The following OR2T10 variants were observed in gnomAD, a reference collection of about 807,000 sequenced individuals.
The protein encoded by OR2T10 is olfactory receptor 2T10.
For synonymous variants in OR2T10, 125 were observed against 141.8 expected (o/e 0.88, Z 0.84); for missense variants, 335 against 382.5 (o/e 0.88, Z 1.04).
Position 248,591,968 on chromosome 1 carries a change from A to G in OR2T10, c.*862T>C, listed in dbSNP as rs1660012363. Reference sequence around the variant, plus strand: ...TTATTTGTTAAATACAAATACAACCATGCACATACGTAAAACTGTGATTTG... The same window carrying G: ...TTATTTGTTAAATACAAATACAACCGTGCACATACGTAAAACTGTGATTTG... On this transcript the variant is annotated 3_prime_UTR_variant, in exon 2 of 2. Transcript: ENST00000642090. The G allele has an allele frequency of 6.9e-6, 1 of 144,308 alleles. No homozygotes were observed. The highest frequency in any genetic ancestry group is 1.5e-5 in the Non-Finnish European group (1 of 66,488). The allele number at this position is 144,308 out of a possible 1,614,324, so 8.9% of individuals were successfully genotyped here.
chr1:248,596,504 G>A (rs73134427), intron 1 of OR2T10, among the ~76,000 whole-genome samples: 8,325 of 142,608 alleles, frequency 0.058, 2,141 homozygotes, highest in African/African-American at 0.22. Context: ...TCAAGCTACC[G>A]TTCTTCCACA....
Position 248,592,927 on chromosome 1 carries a change from A to G in OR2T10, c.842T>C (p.Leu281Pro), listed in dbSNP as rs772374665. The G allele has an allele frequency of 8.3e-6, 13 of 1,565,528 alleles. 2 individuals carry two copies. Among genetic ancestry groups the G allele is most frequent in the Non-Finnish European group, 1.1e-5 (13 of 1,149,872 alleles). ...AATGATAGGATTCAAGACAGGTGTA[A>G]GGATAGTGTAGAAAAAGGATGACAT... ...DMMSSFFYTI[L>P]TPVLNPIIYS... Residue 281 changes from leucine (L) to proline (P), a missense_variant, in exon 2 of 2, where the codon CTT becomes CCT. By Grantham distance (98) the Leu-to-Pro change is moderately conservative. Coordinates refer to ENST00000642090, the MANE Select transcript of OR2T10 (RefSeq NM_001004693.2).
chr1:248,596,474 G>T lies in OR2T10; in HGVS notation c.-29+1018C>A, dbSNP rs965906111. Among the ~76,000 whole-genome samples, 10 of 142,854 alleles carry T rather than the reference G, an allele frequency of 7.0e-5. 1 individual carries two copies. The highest frequency in any genetic ancestry group is 1.9e-4 in the African/African-American group (7 of 36,110). 93.7% of individuals were successfully genotyped at this position (142,854 alleles called of 152,430 possible). A position where few individuals can be genotyped will look rare whatever the true frequency, so the allele number is the denominator to read the frequency against. On this transcript the variant is annotated intron_variant, in intron 1 of 1. Transcript: ENST00000642090. ...GAGAACAAAAGTGAGAGTGGATATTGCATTTCTTGGCCATGTAGTTCAAGC... is the reference window on the plus strand; with the variant it reads ...GAGAACAAAAGTGAGAGTGGATATTTCATTTCTTGGCCATGTAGTTCAAGC...
chr1:248,596,622 G>A lies in OR2T10; in HGVS notation c.-29+870C>T, dbSNP rs141900659. Among the ~76,000 whole-genome samples the A allele has an allele frequency of 2.5e-3, 356 of 143,264 alleles. 56 individuals are homozygous for A. Among genetic ancestry groups the A allele is most frequent in the African/African-American group, 9.4e-3 (341 of 36,456 alleles). The allele number at this position is 143,264 out of a possible 152,430, so 94.0% of individuals were successfully genotyped here. A position where few individuals can be genotyped will look rare whatever the true frequency, so the allele number is the denominator to read the frequency against. On this transcript the variant is annotated intron_variant, in intron 1 of 1. Transcript: ENST00000642090. ...GGAAACAAATGACACCAGCACAGACGGCCACGCAAGGCAAAAGAACAGCAA... is the reference window on the plus strand; with the variant it reads ...GGAAACAAATGACACCAGCACAGACAGCCACGCAAGGCAAAAGAACAGCAA...
At chr1:248,593,842 G>T in intron 1 of OR2T10, 46 bp from the exon 2 acceptor site, 1 of 734,550 alleles carries the variant, frequency 1.4e-6, no homozygotes, top group Non-Finnish European at 2.2e-6. Flanking sequence ...TGTGTACCAC[G>T]TAAAAGTATG....
Position 248,593,441 on chromosome 1 carries a change from C to T in OR2T10, c.328G>A (p.Ala110Thr). Residue 110 changes from alanine (A) to threonine (T), a missense_variant, in exon 2 of 2, where the codon GCA becomes ACA. Physicochemically the swap from Ala to Thr is moderately conservative, Grantham distance 58. Transcript: ENST00000642090. ...ATGGCGGCTAGAAGGCAGCACTCTG[C>T]ACCTCCCAACTGCAGGTAGAAGTAC... The part of the protein sequence containing the change: ...QMYFYLQLGG[A>T]ECCLLAAMAY... The T allele has an allele frequency of 1.3e-6, 2 of 1,571,960 alleles. 1 individual carries two copies. Among genetic ancestry groups the T allele is most frequent in the African/African-American group, 3.0e-5 (2 of 66,518 alleles).
In OR2T10 at chr1:248,593,566, AGT is replaced by A. The variant is rs771898366; in HGVS notation, c.201_202del (p.Leu68HisfsTer53). The A allele has an allele frequency of 6.4e-7, 1 of 1,567,424 alleles. No homozygotes were observed. Among genetic ancestry groups the A allele is most frequent in the Non-Finnish European group, 8.7e-7 (1 of 1,152,664 alleles). Reference sequence around the variant, plus strand: ...GACAGAAATATATGTCAAGTCTATGAGTGAGAGCTGGTTTATAAAGAAGTACA... The same window carrying A: ...GACAGAAATATATGTCAAGTCTATGAGAGAGCTGGTTTATAAAGAAGTACA... On this transcript the variant is annotated frameshift_variant, in exon 2 of 2. Coordinates refer to ENST00000642090, the MANE Select transcript of OR2T10 (RefSeq NM_001004693.2). LOFTEE classifies it low-confidence loss of function (END_TRUNC).
At position 248,593,338 on chromosome 1, in the gene OR2T10, A is replaced by G. The variant is rs181981757; in HGVS notation, c.431T>C (p.Leu144Pro). ...GCCCACAAACCAGCAGCCTGATGCC[A>G]GGAGGAGACATACCCTATGGCTCAT... The part of the protein sequence containing the change: ...VLMSHRVCLL[L>P]ASGCWFVGSV... The change falls in exon 2 of 2, where the codon CTG (leucine) becomes CCG (proline). Residue 144 changes from leucine to proline, a missense_variant. Physicochemically the swap from Leu to Pro is moderately conservative, Grantham distance 98. Transcript: ENST00000642090. 1.3e-6 allele frequency: 2 copies of G among 1,573,518 alleles called. No individual in the cohort carries two copies. Among genetic ancestry groups the G allele is most frequent in the Admixed American group, 3.4e-5 (2 of 58,424 alleles).
rs1660006381 is a variant in OR2T10 at position 248,591,945 on chromosome 1, ATTT to A, written c.*882_*884del. On this transcript the variant is annotated 3_prime_UTR_variant, in exon 2 of 2. Coordinates refer to ENST00000642090, the MANE Select transcript of OR2T10 (RefSeq NM_001004693.2). Reference sequence around the variant, plus strand: ...CACAAGACGTTATAATTATTATGTTATTTGTTAAATACAAATACAACCATGCAC... The same window carrying A: ...CACAAGACGTTATAATTATTATGTTAGTTAAATACAAATACAACCATGCAC... 1 of 142,864 alleles carries A rather than the reference ATTT, an allele frequency of 7.0e-6. No homozygotes were observed. The highest frequency in any genetic ancestry group is 6.8e-5 in the Admixed American group (1 of 14,658). The allele number at this position is 142,864 out of a possible 1,614,324, so 8.8% of individuals were successfully genotyped here. A position where few individuals can be genotyped will look rare whatever the true frequency, so the allele number is the denominator to read the frequency against.
chr1:248,590,822 C>T lies in OR2T10; in HGVS notation c.*2008G>A, dbSNP rs758117951. ...CTCTACTACATCAATATTGATATAT[C>T]TTCAACATGATTTTTCATACATTTA... On this transcript the variant is annotated 3_prime_UTR_variant, in exon 2 of 2. Coordinates refer to ENST00000642090, the MANE Select transcript of OR2T10 (RefSeq NM_001004693.2). 2.8e-5 allele frequency: 4 copies of T among 143,232 alleles called. No homozygotes were observed. The highest frequency in any genetic ancestry group is 6.0e-5 in the Non-Finnish European group (4 of 66,282). The allele number at this position is 143,232 out of a possible 1,614,324, so 8.9% of individuals were successfully genotyped here.
At position 248,596,574 on chromosome 1, in the gene OR2T10, A is replaced by C. The variant is rs1660095059; in HGVS notation, c.-29+918T>G. 2.1e-5 allele frequency among the ~76,000 whole-genome samples: 3 copies of C among 143,584 alleles called. 1 individual carries two copies. Among genetic ancestry groups the C allele is most frequent in the Admixed American group, 2.0e-4 (3 of 14,696 alleles). 94.2% of individuals were successfully genotyped at this position (143,584 alleles called of 152,430 possible). On this transcript the variant is annotated intron_variant, in intron 1 of 1. Transcript: ENST00000642090. ...GCAGAACAAAACTCCCCTTAACCAA[A>C]TCAATTAATTTATCCACTTCTAGGA...
rs1402096892 is a variant in OR2T10, at chr1:248,591,833, T to A, written c.*997A>T. On this transcript the variant is annotated 3_prime_UTR_variant, in exon 2 of 2. Transcript: ENST00000642090. ...ACCCATGGGTTTCAGTTAAATCAAC[T>A]GTAGAATAAGGCTAATAATAGGCTG... The A allele has an allele frequency of 6.9e-6, 1 of 144,156 alleles. No individual in the cohort carries two copies. Among genetic ancestry groups the A allele is most frequent in the African/African-American group, 2.7e-5 (1 of 36,758 alleles). 8.9% of individuals were successfully genotyped at this position (144,156 alleles called of 1,614,324 possible).
chr1:248,593,244 C>A lies in OR2T10; in HGVS notation c.525G>T (p.Gln175His). ...SFPFCRSHEI[Q>H]HFFCEVPAVL... is the part of the protein sequence containing the mutation. ...CAGCAGGGACCTCACAGAAGAAGTG[C>A]TGAATCTCATGGGATCTGCAGAAGG... The change falls in exon 2 of 2, where the codon CAG becomes CAT. Residue 175 changes from glutamine to histidine, a missense_variant. Gln to His is a conservative substitution (Grantham distance 24). Coordinates refer to ENST00000642090, the MANE Select transcript of OR2T10 (RefSeq NM_001004693.2). 1 of 1,573,780 alleles carries A rather than the reference C, an allele frequency of 6.4e-7. No homozygotes were observed. The highest frequency in any genetic ancestry group is 8.6e-7 in the Non-Finnish European group (1 of 1,157,194).
intron 1 of OR2T10, among the ~76,000 whole-genome samples, 166 bp from the exon 2 acceptor site, chr1:248,593,962 T>G (rs1209830537): frequency 7.0e-6 from 1 of 142,952 alleles, no homozygotes; most frequent in East Asian, 2.0e-4. Flanking sequence ...TGAATCTGAT[T>G]CCCCATCTAG....
Position 248,592,338 on chromosome 1 carries a change from C to G in OR2T10, c.*492G>C, listed in dbSNP as rs1660022150. The G allele has an allele frequency of 6.9e-6, 1 of 145,328 alleles. No individual in the cohort carries two copies. The highest frequency in any genetic ancestry group is 1.5e-5 in the Non-Finnish European group (1 of 67,324). 9.0% of individuals were successfully genotyped at this position (145,328 alleles called of 1,614,324 possible). The stretch of plus-strand genomic sequence containing the variant: ...TGAGGATCCCCTGCTTGGGGCAAGT[C>G]AGGGGAAGCCTCAAAGGCTGTTTTG... On this transcript the variant is annotated 3_prime_UTR_variant, in exon 2 of 2. Coordinates refer to ENST00000642090, the MANE Select transcript of OR2T10 (RefSeq NM_001004693.2).
intron 1 of OR2T10, among the ~76,000 whole-genome samples, chr1:248,596,920 G>C (rs1238063437): frequency 7.0e-6 from 1 of 142,556 alleles, no homozygotes; most frequent in Non-Finnish European, 1.5e-5. Flanking sequence ...CTGTTTTGGA[G>C]TCTGGGAGAT....
rs772087986 is a variant in OR2T10 at position 248,593,166 on chromosome 1, C to G, written c.603G>C (p.Leu201Phe). The G allele has an allele frequency of 2.5e-6, 4 of 1,572,240 alleles. 1 individual carries two copies. Among genetic ancestry groups the G allele is most frequent in the Non-Finnish European group, 3.5e-6 (4 of 1,156,360 alleles). Reference protein sequence around the residue: ...DTSLYKIFMYLCCVIMLLIPV... With the variant: ...DTSLYKIFMYFCCVIMLLIPV... ...GTATCAGGAGCATGATGACACAGCA[C>G]AAGTACATGAAAATCTTGTAAAGTG... The change falls in exon 2 of 2, where the codon TTG becomes TTC. Residue 201 changes from leucine (L) to phenylalanine (F), a missense_variant. Transcript: ENST00000642090.
At chr1:248,597,321 A>G (rs1249656053) in intron 1 of OR2T10, among the ~76,000 whole-genome samples, 171 bp downstream of exon 1, 1 of 78,952 alleles carries the variant, frequency 1.3e-5, no homozygotes, top group Non-Finnish European at 2.3e-5. Flanking sequence ...TATGCTTATG[A>G]GTTATTTTAT....
chr1:248,592,825 A>T lies in OR2T10; in HGVS notation c.*5T>A. ...AGAGAGGACCAACTTAAGTTCTTTC[A>T]CACTTTAATATGGAGGTTTCTGCAC... On this transcript the variant is annotated 3_prime_UTR_variant, in exon 2 of 2. Transcript: ENST00000642090. 1 of 1,477,398 alleles carries T rather than the reference A, an allele frequency of 6.8e-7. No individual in the cohort carries two copies. Among genetic ancestry groups the T allele is most frequent in the East Asian group, 2.3e-5 (1 of 43,102 alleles). The allele number at this position is 1,477,398 out of a possible 1,614,324, so 91.5% of individuals were successfully genotyped here.
Sources: gnomAD v4.1 joint callset for allele counts (sites outside exome capture counted in the v4.1 genomes callset) on GRCh38, gnomAD v4.1.1 for gene constraint, MANE v1.5 for transcripts, NCBI Gene and HGNC (gene_info 2026-07-23, HGNC 2026-07-21) for gene names.